ENPP6: variants seen among roughly 807,000 people sequenced by gnomAD.
ENPP6 encodes glycerophosphocholine cholinephosphodiesterase ENPP6.
A neutral mutation model predicts 42.0 loss-of-function variants in ENPP6; 32 were observed. The observed-to-expected ratio is 0.76, with a 90% CI of 0.58 to 1.02. The LOEUF is 1.02. Among genes scored for constraint, ENPP6 ranks in the 50% least tolerant of loss-of-function variants. The probability of loss-of-function intolerance (pLI) is 0.00; values close to 1 mark genes in which losing one functional copy is unlikely to be tolerated. For missense variants in ENPP6, 552 were observed against 566.8 expected (o/e 0.97, Z 0.27); for synonymous variants, 213 against 216.0 (o/e 0.99, Z 0.12).
At chr4:184,106,925 G>A (rs189724244) in intron 6 of ENPP6, among the ~76,000 whole-genome samples, 4 of 152,312 alleles carry the variant, frequency 2.6e-5, no homozygotes, top group African/African-American at 7.2e-5. Flanking sequence ...ATGGAAGAGC[G>A]TGCTTGAGTC....
intron 1 of ENPP6, 94 bp downstream of exon 1, chr4:184,217,485 G>C (rs980194117): frequency 4.2e-5 from 64 of 1,511,776 alleles, no homozygotes; most frequent in Admixed American, 7.4e-5. Context: ...AGAGAATCCA[G>C]AGCATTTAAA....
intron 6 of ENPP6, among the ~76,000 whole-genome samples, chr4:184,106,591 T>A (rs2111336658): frequency 6.6e-6 from 1 of 152,262 alleles, no homozygotes; most frequent in Middle Eastern, 3.4e-3. Flanking sequence ...GGTTTCAGCC[T>A]CAAGCTCCCT....
chr4:184,143,682 T>A (rs1311542471), intron 2 of ENPP6, among the ~76,000 whole-genome samples: 1 of 152,246 alleles, frequency 6.6e-6, no homozygotes, highest in Non-Finnish European at 1.5e-5. Context: ...TGGCTCCTGC[T>A]GCCCTCTGCC....
chr4:184,137,158 G>T (rs140650196), intron 2 of ENPP6, among the ~76,000 whole-genome samples: 1,596 of 152,268 alleles, frequency 0.01, 35 homozygotes, highest in African/African-American at 0.036. Context: ...GTGCAGTGGC[G>T]CAATCTCAGC....
At position 184,127,622 on chromosome 4, in the gene ENPP6, T is replaced by A. The variant is rs1046709748; in HGVS notation, c.422-3350A>T. Among the ~76,000 whole-genome samples, 14 of 152,166 alleles carry A rather than the reference T, an allele frequency of 9.2e-5. 1 individual carries two copies. The highest frequency in any genetic ancestry group is 7.9e-4 in the Admixed American group (12 of 15,280). On this transcript the variant is annotated intron_variant, in intron 2 of 7. Coordinates refer to ENST00000296741, the MANE Select transcript of ENPP6 (RefSeq NM_153343.4). ...AAAATATAAAACTAGCCAGGCGTAG[T>A]GCTGTGTGCCTGTATTCCCAGCTAC...
intron 7 of ENPP6, among the ~76,000 whole-genome samples, chr4:184,093,640 A>AAAAAAT (rs1735845203): frequency 7.5e-6 from 1 of 132,462 alleles, no homozygotes; most frequent in Non-Finnish European, 1.6e-5. Context: ...CTCTGTCTCA[A>AAAAAAT]AATAATAATA....
chr4:184,166,617 G>C (rs1737352366), intron 1 of ENPP6, among the ~76,000 whole-genome samples: 1 of 152,208 alleles, frequency 6.6e-6, no homozygotes, highest in East Asian at 1.9e-4. Flanking sequence ...TGCAAAGTTG[G>C]AAAAGAGCAA....
intron 2 of ENPP6, among the ~76,000 whole-genome samples, chr4:184,146,090 C>T (rs552984089): frequency 1.3e-3 from 189 of 149,108 alleles, no homozygotes; most frequent in African/African-American, 4.6e-3. Flanking sequence ...TGTGTATATC[C>T]CAGTTCATTT....
chr4:184,153,272 T>G (rs936528216), intron 2 of ENPP6, among the ~76,000 whole-genome samples: 4 of 151,984 alleles, frequency 2.6e-5, no homozygotes, highest in Admixed American at 1.3e-4. Flanking sequence ...ATTACAGGCA[T>G]GCACCACCAC....
chr4:184,165,045 G>A (rs2111087382), intron 1 of ENPP6, among the ~76,000 whole-genome samples: 1 of 152,280 alleles, frequency 6.6e-6, no homozygotes, highest in Non-Finnish European at 1.5e-5. Context: ...TCAAGGACAG[G>A]ATGCATTCAG....
chr4:184,149,287 G>A (rs1736982742), intron 2 of ENPP6, among the ~76,000 whole-genome samples: 1 of 152,218 alleles, frequency 6.6e-6, no homozygotes, highest in Non-Finnish European at 1.5e-5. Flanking sequence ...CAGCCTGACT[G>A]AAGGTTGTCA....
Position 184,089,842 on chromosome 4 carries a change from T to C in ENPP6, c.*1335A>G, listed in dbSNP as rs1735757225. 6.6e-6 allele frequency: 1 copy of C among 152,178 alleles called. No individual in the cohort carries two copies. Among genetic ancestry groups the C allele is most frequent in the Non-Finnish European group, 1.5e-5 (1 of 68,022 alleles). 9.4% of individuals were successfully genotyped at this position (152,178 alleles called of 1,614,324 possible). ...GTGTATGCAAGTATATATATGTATATAGATATAAATGATCATGTAAAAAGG... is the reference window on the plus strand; with the variant it reads ...GTGTATGCAAGTATATATATGTATACAGATATAAATGATCATGTAAAAAGG... On this transcript the variant is annotated 3_prime_UTR_variant, in exon 8 of 8. Coordinates refer to ENST00000296741, the MANE Select transcript of ENPP6 (RefSeq NM_153343.4).
intron 2 of ENPP6, among the ~76,000 whole-genome samples, chr4:184,137,479 T>A (rs920875162): frequency 7.2e-5 from 11 of 152,226 alleles, no homozygotes. Flanking sequence ...TCTGTTTTTT[T>A]AAATTGAATA....
intron 2 of ENPP6, among the ~76,000 whole-genome samples, chr4:184,126,377 G>C (rs1021098727): frequency 1.2e-4 from 19 of 152,140 alleles, no homozygotes; most frequent in Non-Finnish European, 2.1e-4. Context: ...TACAGGTAGA[G>C]GCAGTATGTG....
chr4:184,148,103 C>T lies in ENPP6; in HGVS notation c.421+5451G>A, dbSNP rs531542616. 2.0e-5 allele frequency among the ~76,000 whole-genome samples: 3 copies of T among 152,220 alleles called. No individual in the cohort carries two copies. The South Asian group carries it at 6.2e-4, about 32-fold the overall frequency. On this transcript the variant is annotated intron_variant, in intron 2 of 7. Coordinates refer to ENST00000296741, the MANE Select transcript of ENPP6 (RefSeq NM_153343.4). Reference sequence around the variant, plus strand: ...CATTATTGTACTTTTGATAACTGTACTTTTACATTTATTTTGATAAGTATT... The same window carrying T: ...CATTATTGTACTTTTGATAACTGTATTTTTACATTTATTTTGATAAGTATT...
chr4:184,113,939 CTTTCTT>C (rs1736266215), intron 5 of ENPP6, among the ~76,000 whole-genome samples: 2 of 139,172 alleles, frequency 1.4e-5, no homozygotes, highest in Admixed American at 1.5e-4. Flanking sequence ...TTCTTTCTTT[CTTTCTT>C]TCTTTCTTTC....
chr4:184,197,989 G>A (rs768762087), intron 1 of ENPP6, among the ~76,000 whole-genome samples: 7 of 152,100 alleles, frequency 4.6e-5, no homozygotes, highest in African/African-American at 9.7e-5. Context: ...TGTTGCTGTC[G>A]GCCTTAAGGG....
chr4:184,117,880 G>T lies in ENPP6; in HGVS notation c.554C>A (p.Ala185Glu), dbSNP rs757203954. ...DSFKSGRADLAAIYHERIDVE... is the reference protein window; with the variant it reads ...DSFKSGRADLEAIYHERIDVE... Reference sequence around the variant, plus strand: ...GTCAATGCGCTCATGGTATATGGCTGCCAGGTCGGCCCGGCCACTCCTGGA... The same window carrying T: ...GTCAATGCGCTCATGGTATATGGCTTCCAGGTCGGCCCGGCCACTCCTGGA... The change falls in exon 4 of 8, where the codon GCA (alanine) becomes GAA (glutamate). Residue 185 changes from alanine (A) to glutamate (E), a missense_variant. Ala to Glu is a moderately radical substitution (Grantham distance 107). This residue lies in a region of ENPP6 where 545 missense variants were observed against 546.3 expected (regional missense o/e 1.00). Coordinates refer to ENST00000296741, the MANE Select transcript of ENPP6 (RefSeq NM_153343.4). The T allele has an allele frequency of 1.2e-6, 2 of 1,614,186 alleles. No individual in the cohort carries two copies. Among genetic ancestry groups the T allele is most frequent in the Non-Finnish European group, 1.7e-6 (2 of 1,180,034 alleles).
At chr4:184,202,678 G>C (rs537804939) in intron 1 of ENPP6, among the ~76,000 whole-genome samples, 1 of 152,088 alleles carries the variant, frequency 6.6e-6, no homozygotes. Flanking sequence ...TTTAGAAGTT[G>C]CTTTTTTCAG....
Sources: gnomAD v4.1 joint callset for allele counts (sites outside exome capture counted in the v4.1 genomes callset) on GRCh38, gnomAD v4.1.1 for gene constraint, gnomAD v4.1.1 regional missense constraint, MANE v1.5 for transcripts, NCBI Gene and HGNC (gene_info 2026-07-23, HGNC 2026-07-21) for gene names.